CFDP1: variants seen among roughly 807,000 people sequenced by gnomAD.
The protein encoded by CFDP1 is heterochromatin-stabilizing protein CFDP1.
A neutral mutation model predicts 40.1 loss-of-function variants in CFDP1; 31 were observed. The observed-to-expected ratio is 0.77, with a 90% CI of 0.58 to 1.04. The LOEUF (loss-of-function observed/expected upper bound fraction) is 1.04, where lower values mean the gene tolerates loss of function less well. CFDP1 is among the 50% of genes least tolerant of loss of function. The probability of loss-of-function intolerance (pLI) is 0.00; values close to 1 mark genes in which losing one functional copy is unlikely to be tolerated. For synonymous variants in CFDP1, 167 were observed against 120.0 expected, an observed-to-expected ratio of 1.39 and a Z score of -2.56; for missense variants, 423 against 343.4, an observed-to-expected ratio of 1.23 and a Z score of -1.83.
intron 5 of CFDP1, chr16:75,324,851 A>G (rs945161328): frequency 6.6e-6 from 1 of 151,748 alleles, no homozygotes; most frequent in African/African-American, 2.4e-5. Context: ...AGCAAAGTGT[A>G]TTTTAAATTT....
intron 5 of CFDP1, among the ~76,000 whole-genome samples, chr16:75,373,646 T>A (rs1193295547): frequency 6.6e-6 from 1 of 152,190 alleles, no homozygotes; most frequent in Admixed American, 6.5e-5. Flanking sequence ...AAAGACTGTA[T>A]TCTTTTTATT....
Position 75,338,399 on chromosome 16 carries a change from G to A in CFDP1, c.651-33217C>T, listed in dbSNP as rs994041832. On this transcript the variant is annotated intron_variant, in intron 5 of 6. Transcript: ENST00000283882. Reference sequence around the variant, plus strand: ...GTTCTAGTGTGTACACAGAAGCAGAGGATAGGGAGGGGTTGGAGAGGGGTC... The same window carrying A: ...GTTCTAGTGTGTACACAGAAGCAGAAGATAGGGAGGGGTTGGAGAGGGGTC... Among the ~76,000 whole-genome samples the A allele has an allele frequency of 2.0e-5, 3 of 152,186 alleles. 1 individual carries two copies. The highest frequency in any genetic ancestry group is 2.0e-4 in the Admixed American group (3 of 15,278).
At chr16:75,304,604 C>T (rs2078245241) in intron 6 of CFDP1, among the ~76,000 whole-genome samples, 1 of 152,182 alleles carries the variant, frequency 6.6e-6, no homozygotes, top group African/African-American at 2.4e-5. Flanking sequence ...AAAAAATTCA[C>T]AATAATGCAA....
chr16:75,350,320 TA>T (rs1175548186), intron 5 of CFDP1, among the ~76,000 whole-genome samples: 1 of 152,194 alleles, frequency 6.6e-6, no homozygotes, highest in African/African-American at 2.4e-5. Flanking sequence ...ACTCTTTTCC[TA>T]TGTGGCTACA....
chr16:75,326,439 T>G (rs1158330701), intron 5 of CFDP1, among the ~76,000 whole-genome samples: 1 of 152,146 alleles, frequency 6.6e-6, no homozygotes, highest in Non-Finnish European at 1.5e-5. Context: ...TTAATTTAGG[T>G]GTACAAATTT....
intron 5 of CFDP1, among the ~76,000 whole-genome samples, chr16:75,352,632 A>C (rs2078621053): frequency 6.6e-6 from 1 of 152,212 alleles, no homozygotes; most frequent in South Asian, 2.1e-4. Flanking sequence ...TCAGAACTTT[A>C]ACTATGGTTT....
rs528103090 is a variant in CFDP1, at chr16:75,302,873, T to A, written c.809+2151A>T. Reference sequence around the variant, plus strand: ...TTAGGCTGATCTAGAAGTCTGCTAGTTAAACAAGCTCATGAAGCTGTTTAA... The same window carrying A: ...TTAGGCTGATCTAGAAGTCTGCTAGATAAACAAGCTCATGAAGCTGTTTAA... On this transcript the variant is annotated intron_variant, in intron 6 of 6. Coordinates refer to ENST00000283882, the MANE Select transcript of CFDP1 (RefSeq NM_006324.3). 2.0e-5 allele frequency among the ~76,000 whole-genome samples: 3 copies of A among 152,282 alleles called. No homozygotes were observed. In the South Asian group the frequency reaches 6.2e-4, roughly 32 times the overall value.
intron 5 of CFDP1, among the ~76,000 whole-genome samples, chr16:75,311,993 A>T (rs2078295850): frequency 6.6e-6 from 1 of 152,188 alleles, no homozygotes; most frequent in Non-Finnish European, 1.5e-5. Flanking sequence ...GAGAAACAGG[A>T]TGAAAGCAAG....
intron 5 of CFDP1, among the ~76,000 whole-genome samples, chr16:75,321,336 G>C (rs2078361971): frequency 6.6e-6 from 1 of 152,020 alleles, no homozygotes; most frequent in African/African-American, 2.4e-5. Context: ...ATTTAAAATG[G>C]TACAACTCAG....
At chr16:75,307,450 C>T (rs1037860590) in intron 5 of CFDP1, among the ~76,000 whole-genome samples, 6 of 152,116 alleles carry the variant, frequency 3.9e-5, no homozygotes, top group East Asian at 1.9e-4. Flanking sequence ...CTCCTGACCT[C>T]GGGTGATCTG....
chr16:75,299,709 G>A (rs1171622470), intron 6 of CFDP1, among the ~76,000 whole-genome samples: 1 of 152,122 alleles, frequency 6.6e-6, no homozygotes, highest in Non-Finnish European at 1.5e-5. Context: ...GCTCTGGGCT[G>A]GTAACAGAAT....
intron 5 of CFDP1, among the ~76,000 whole-genome samples, chr16:75,393,797 C>T (rs1202015590): frequency 7.1e-6 from 1 of 141,486 alleles, no homozygotes; most frequent in Non-Finnish European, 1.5e-5. Context: ...CGGTGGCTCA[C>T]GCCTGTAATC....
intron 4 of CFDP1, among the ~76,000 whole-genome samples, chr16:75,407,654 CAAAA>C (rs11456525): frequency 1.7e-5 from 2 of 116,754 alleles, no homozygotes; most frequent in Non-Finnish European, 3.4e-5. Flanking sequence ...GACCCTGTCT[CAAAA>C]AAAAAAAAAA....
chr16:75,398,792 T>G (rs60937209), intron 4 of CFDP1, among the ~76,000 whole-genome samples: 1 of 151,774 alleles, frequency 6.6e-6, no homozygotes, highest in African/African-American at 2.4e-5. Context: ...GTGGTGGTCA[T>G]GCCTGTAATC....
At chr16:75,420,958 G>A (rs532698587) in intron 1 of CFDP1, among the ~76,000 whole-genome samples, 1 of 152,310 alleles carries the variant, frequency 6.6e-6, no homozygotes, top group East Asian at 1.9e-4. Flanking sequence ...ACAGGCAAAT[G>A]TTGTAGACAG....
At chr16:75,428,104 G>T (rs368062293) in intron 1 of CFDP1, among the ~76,000 whole-genome samples, 11 of 151,062 alleles carry the variant, frequency 7.3e-5, no homozygotes, top group African/African-American at 2.7e-4. Context: ...AGAGTTGTTT[G>T]ACTACAAAGA....
chr16:75,397,728 C>A (rs1029681946), intron 4 of CFDP1, among the ~76,000 whole-genome samples: 2 of 151,862 alleles, frequency 1.3e-5, no homozygotes, highest in Non-Finnish European at 2.9e-5. Flanking sequence ...ACCTCATGAA[C>A]CCAGAAGGTG....
chr16:75,345,584 G>A (rs2078557463), intron 5 of CFDP1, among the ~76,000 whole-genome samples: 1 of 152,168 alleles, frequency 6.6e-6, no homozygotes, highest in Non-Finnish European at 1.5e-5. Flanking sequence ...GTTCAAGGAT[G>A]CAGTGAACTA....
At chr16:75,400,155 A>G (rs2079038300) in intron 4 of CFDP1, among the ~76,000 whole-genome samples, 1 of 150,684 alleles carries the variant, frequency 6.6e-6, no homozygotes, top group Non-Finnish European at 1.5e-5. Flanking sequence ...CATGGCGTGC[A>G]CCTGTAGTCC....
Sources: allele counts gnomAD v4.1 joint callset (sites outside exome capture counted in the v4.1 genomes callset), GRCh38; gene constraint gnomAD v4.1.1; transcripts MANE v1.5; gene names NCBI Gene and HGNC (gene_info 2026-07-23, HGNC 2026-07-21).